The following NEDD4L variants were observed in gnomAD, a reference collection of about 807,000 sequenced individuals.
NEDD4L encodes NEDD4 like E3 ubiquitin protein ligase.
A neutral mutation model predicts 148.9 loss-of-function variants in NEDD4L; 54 were observed. The ratio of observed to expected loss-of-function variants is 0.36; its 90% confidence interval spans 0.29 to 0.45. NEDD4L has a LOEUF of 0.45. Ranked by LOEUF, NEDD4L falls within the 20% of genes least tolerant of loss-of-function variation. NEDD4L has a pLI of 1.00. For synonymous variants in NEDD4L, 433 were observed against 440.7 expected, an observed-to-expected ratio of 0.98 and a Z score of 0.22; for missense variants, 856 against 1,233.8, an observed-to-expected ratio of 0.69 and a Z score of 4.59.
intron 20 of NEDD4L, among the ~76,000 whole-genome samples, chr18:58,364,591 A>G (rs1004923879): frequency 6.6e-6 from 1 of 152,244 alleles, no homozygotes; most frequent in Non-Finnish European, 1.5e-5. Flanking sequence ...AAAAGACAGG[A>G]ATGATTTTTA....
intron 1 of NEDD4L, among the ~76,000 whole-genome samples, chr18:58,165,268 G>C (rs758970201): frequency 1.6e-4 from 25 of 152,166 alleles, no homozygotes; most frequent in Admixed American, 1.6e-3. Flanking sequence ...ATTTAGAATG[G>C]TTTTTATTTC....
intron 5 of NEDD4L, among the ~76,000 whole-genome samples, chr18:58,274,672 A>G (rs1243914752): frequency 6.6e-6 from 1 of 152,260 alleles, no homozygotes; most frequent in Non-Finnish European, 1.5e-5. Context: ...GGCCTGCACC[A>G]AGATCCAGTT....
At chr18:58,255,565 CTT>C in intron 5 of NEDD4L, 1 of 1,231,842 alleles carries the variant, frequency 8.1e-7, no homozygotes, top group Non-Finnish European at 1.0e-6. Context: ...GAATTTGTGT[CTT>C]TGGTTTGTGA....
At chr18:58,163,560 C>T (rs545437999) in intron 1 of NEDD4L, among the ~76,000 whole-genome samples, 44 of 152,342 alleles carry the variant, frequency 2.9e-4, no homozygotes, top group Admixed American at 8.5e-4. Flanking sequence ...ACTTTACATC[C>T]CTTAATCCTT....
At chr18:58,257,356 TTAAG>T (rs2048733561) in intron 5 of NEDD4L, among the ~76,000 whole-genome samples, 1 of 152,086 alleles carries the variant, frequency 6.6e-6, no homozygotes, top group African/African-American at 2.4e-5. Context: ...TTTTGTCCCA[TTAAG>T]TAATACTGAA....
chr18:58,325,660 A>G (rs573637782), intron 9 of NEDD4L, among the ~76,000 whole-genome samples: 1 of 152,190 alleles, frequency 6.6e-6, no homozygotes, highest in Non-Finnish European at 1.5e-5. Context: ...TAATATAATC[A>G]GAAACACATG....
chr18:58,219,836 T>C (rs1186632989), intron 2 of NEDD4L, among the ~76,000 whole-genome samples: 1 of 152,210 alleles, frequency 6.6e-6, no homozygotes, highest in Admixed American at 6.5e-5. Flanking sequence ...TGGTAGGACG[T>C]GTAGATGCTT....
chr18:58,244,246 G>A (rs2148393919), intron 2 of NEDD4L, among the ~76,000 whole-genome samples: 1 of 152,302 alleles, frequency 6.6e-6, no homozygotes, highest in East Asian at 1.9e-4. Context: ...TGAACTGATA[G>A]CAATCAGTTT....
rs1337901032 is a variant in NEDD4L at position 58,262,454 on chromosome 18, C to G, written c.297+10400C>G. Reference sequence around the variant, plus strand: ...GACCAGCCTGAGCAACATGGCGAAGCCTCATCTCTACAAAAAATACAAAAG... The same window carrying G: ...GACCAGCCTGAGCAACATGGCGAAGGCTCATCTCTACAAAAAATACAAAAG... On this transcript the variant is annotated intron_variant, in intron 5 of 30. Transcript: ENST00000400345. 3.9e-5 allele frequency among the ~76,000 whole-genome samples: 6 copies of G among 152,126 alleles called. No individual in the cohort carries two copies. The South Asian group carries it at 6.2e-4, about 16-fold the overall frequency.
chr18:58,108,765 G>A (rs191568560), intron 1 of NEDD4L, among the ~76,000 whole-genome samples: 1 of 152,290 alleles, frequency 6.6e-6, no homozygotes, highest in Non-Finnish European at 1.5e-5. Flanking sequence ...AATAGAGACT[G>A]GATTTTGACT....
intron 5 of NEDD4L, among the ~76,000 whole-genome samples, chr18:58,296,658 A>C (rs567238654): frequency 1.3e-5 from 2 of 152,280 alleles, no homozygotes; most frequent in African/African-American, 4.8e-5. Context: ...GCGGTGGCTC[A>C]CGCCTGTAAT....
intron 8 of NEDD4L, among the ~76,000 whole-genome samples, chr18:58,324,337 G>A (rs944739844): frequency 6.6e-6 from 1 of 152,212 alleles, no homozygotes; most frequent in African/African-American, 2.4e-5. Flanking sequence ...AATGGAACTC[G>A]AATTTTGGTA....
chr18:58,380,296 T>TTTATTTA (rs1555863200), intron 24 of NEDD4L, among the ~76,000 whole-genome samples: 88 of 141,810 alleles, frequency 6.2e-4, no homozygotes, highest in African/African-American at 2.3e-3. Flanking sequence ...TTCTTTTTTA[T>TTTATTTA]TTTATTTATT....
At chr18:58,297,354 CCTGCAG>C (rs1231622911) in intron 5 of NEDD4L, among the ~76,000 whole-genome samples, 15 of 152,234 alleles carry the variant, frequency 9.9e-5, no homozygotes, top group African/African-American at 2.9e-4. Flanking sequence ...ATCATCTTAC[CCTGCAG>C]CTGAGTTGAG....
At chr18:58,349,131 G>A (rs896066359) in intron 16 of NEDD4L, among the ~76,000 whole-genome samples, 8 of 152,026 alleles carry the variant, frequency 5.3e-5, no homozygotes, top group African/African-American at 1.7e-4. Context: ...TGTTAGGCTG[G>A]CTCCCCTCAC....
intron 5 of NEDD4L, among the ~76,000 whole-genome samples, chr18:58,290,952 G>T (rs981613992): frequency 3.3e-5 from 5 of 152,102 alleles, no homozygotes; most frequent in African/African-American, 1.2e-4. Context: ...CACACTACCC[G>T]TCAACATAGG....
At chr18:58,123,466 GA>G (rs1489201565) in intron 1 of NEDD4L, among the ~76,000 whole-genome samples, 1 of 152,096 alleles carries the variant, frequency 6.6e-6, no homozygotes, top group African/African-American at 2.4e-5. Flanking sequence ...GCTGTAGCCT[GA>G]ACCTCATGGT....
intron 24 of NEDD4L, among the ~76,000 whole-genome samples, chr18:58,375,199 G>A (rs760215333): frequency 7.2e-5 from 11 of 151,956 alleles, no homozygotes; most frequent in Non-Finnish European, 1.2e-4. Context: ...TCCTTGGCAC[G>A]TCCCTGTCTG....
intron 16 of NEDD4L, among the ~76,000 whole-genome samples, chr18:58,348,190 G>GT (rs1803364392): frequency 6.6e-6 from 1 of 151,936 alleles, no homozygotes; most frequent in Admixed American, 6.5e-5. Context: ...CAGAGATATG[G>GT]TTTTGCTTTG....
Sources: gnomAD v4.1 joint callset for allele counts (sites outside exome capture counted in the v4.1 genomes callset) on GRCh38, gnomAD v4.1.1 for gene constraint, MANE v1.5 for transcripts, NCBI Gene and HGNC (gene_info 2026-07-23, HGNC 2026-07-21) for gene names.